The following ARPP21 variants were observed in gnomAD, a reference collection of about 807,000 sequenced individuals.
ARPP21 encodes cAMP-regulated phosphoprotein 21.
A neutral mutation model predicts 113.2 loss-of-function variants in ARPP21; 69 were observed. The observed-to-expected ratio is 0.61, with a 90% CI of 0.50 to 0.74. ARPP21 has a LOEUF of 0.74. ARPP21 is among the 30% of genes least tolerant of loss of function. The probability of loss-of-function intolerance (pLI) is 0.00; values close to 1 mark genes in which losing one functional copy is unlikely to be tolerated. For missense variants in ARPP21, 1,070 were observed against 1,037.4 expected (o/e 1.03, Z -0.43); for synonymous variants, 368 against 375.5 (o/e 0.98, Z 0.23).
chr3:35,767,686 C>T (rs2096032669), intron 19 of ARPP21, among the ~76,000 whole-genome samples: 1 of 152,162 alleles, frequency 6.6e-6, no homozygotes, highest in Non-Finnish European at 1.5e-5. Context: ...TATGTCCTAT[C>T]ATGAAATTTC....
chr3:35,771,473 C>T (rs1289600774), intron 19 of ARPP21, among the ~76,000 whole-genome samples: 4 of 151,948 alleles, frequency 2.6e-5, no homozygotes, highest in African/African-American at 7.2e-5. Flanking sequence ...GGACTACAGG[C>T]GCCCATCATC....
At chr3:35,708,709 G>T (rs1440399317) in intron 10 of ARPP21, among the ~76,000 whole-genome samples, 1 of 152,188 alleles carries the variant, frequency 6.6e-6, no homozygotes, top group African/African-American at 2.4e-5. Context: ...ACAGTGAGGT[G>T]CACTCGTTTT....
chr3:35,639,324 G>T (rs1412180842), upstream of ARPP21, among the ~76,000 whole-genome samples: 1 of 151,970 alleles, frequency 6.6e-6, no homozygotes, highest in East Asian at 2.0e-4. This position sits in a 1 kb window ranked among gnomAD's most constrained non-coding sequence, Gnocchi z 5.0. Flanking sequence ...ACTGGCAGGC[G>T]TCCGGCTGCC....
At chr3:35,684,744 C>A (rs1412289578) in intron 5 of ARPP21, 7 of 984,838 alleles carry the variant, frequency 7.1e-6, no homozygotes, top group Non-Finnish European at 8.4e-6. Context: ...GCATTGAGAG[C>A]ACTTTCTTTA....
chr3:35,731,522 G>A (rs1409443615), intron 15 of ARPP21, among the ~76,000 whole-genome samples: 1 of 152,114 alleles, frequency 6.6e-6, no homozygotes, highest in Non-Finnish European at 1.5e-5. Context: ...ATGAGATGCA[G>A]GGTGAATTAT....
chr3:35,763,732 A>G (rs1347056730), intron 19 of ARPP21, among the ~76,000 whole-genome samples: 2 of 152,200 alleles, frequency 1.3e-5, no homozygotes, highest in Non-Finnish European at 1.5e-5. Context: ...GGGTAGGGCC[A>G]TCCTACAGTA....
In ARPP21 at chr3:35,792,537, A is replaced by G. The variant is rs200085911; in HGVS notation, c.2286+7A>G. ...AACAATGTCTTCTTATCAGGTGCTC[A>G]TAAGCAGCTTGGAAAATTGTGGGTT... On this transcript the variant is annotated splice_region_variant and intron_variant, in intron 20 of 20. Coordinates refer to ENST00000684406, the MANE Select transcript of ARPP21 (RefSeq NM_001385562.1). 191 of 1,613,670 alleles carry G rather than the reference A, an allele frequency of 1.2e-4. No individual in the cohort carries two copies. Among genetic ancestry groups the G allele is most frequent in the Non-Finnish European group, 1.5e-4 (178 of 1,179,684 alleles).
chr3:35,641,220 G>T (rs1030339380), intron 1 of ARPP21, among the ~76,000 whole-genome samples: 1 of 151,570 alleles, frequency 6.6e-6, no homozygotes. Context: ...TTTGATGTTT[G>T]ATTTTCTACC....
intron 3 of ARPP21, chr3:35,682,581 C>A: frequency 2.7e-6 from 1 of 371,570 alleles, no homozygotes; most frequent in Non-Finnish European, 4.8e-6. Flanking sequence ...GGCCAAAAAA[C>A]TTCAAAGCTG....
intron 19 of ARPP21, among the ~76,000 whole-genome samples, chr3:35,746,725 A>G (rs2095078825): frequency 6.6e-6 from 1 of 152,184 alleles, no homozygotes; most frequent in African/African-American, 2.4e-5. Context: ...TGAGATTTTA[A>G]TCTGAATTTG....
At chr3:35,683,620 C>T (rs1164484748) in intron 4 of ARPP21, 106 bp from the exon 5 acceptor site, 1 of 679,740 alleles carries the variant, frequency 1.5e-6, no homozygotes, top group Non-Finnish European at 2.7e-6. Flanking sequence ...TTAAAAATCT[C>T]ATTTGGGGAA....
intron 9 of ARPP21, among the ~76,000 whole-genome samples, chr3:35,697,231 A>G (rs1199126085): frequency 1.3e-5 from 2 of 151,618 alleles, no homozygotes; most frequent in African/African-American, 2.4e-5. Context: ...CTGCTCTGAC[A>G]GTGCAGAGCA....
intron 19 of ARPP21, among the ~76,000 whole-genome samples, chr3:35,753,456 A>C (rs961281552): frequency 5.3e-5 from 8 of 152,054 alleles, no homozygotes; most frequent in African/African-American, 1.9e-4. Flanking sequence ...GAATACTTCC[A>C]TGAAAGCTCA....
At chr3:35,675,798 AGATGAT>A (rs58955088) in intron 1 of ARPP21, among the ~76,000 whole-genome samples, 16,776 of 149,282 alleles carry the variant, frequency 0.11, 972 homozygotes, top group Non-Finnish European at 0.13. Flanking sequence ...GCTAAGATGA[AGATGAT>A]GATGATGATG....
rs771129678 is a variant in ARPP21 at position 35,721,881 on chromosome 3, C to T, written c.1225+47C>T. The T allele has an allele frequency of 5.5e-6, 7 of 1,281,196 alleles. No individual in the cohort carries two copies. The East Asian group carries it at 1.5e-4, about 28-fold the overall frequency. 79.4% of individuals were successfully genotyped at this position (1,281,196 alleles called of 1,614,324 possible). ...TATGTCCTGTGGTATTTTTTGGATTCTACCCAAGCCATATGGTCACCATTC... is the reference window on the plus strand; with the variant it reads ...TATGTCCTGTGGTATTTTTTGGATTTTACCCAAGCCATATGGTCACCATTC... On this transcript the variant is annotated intron_variant, in intron 14 of 20. Coordinates refer to ENST00000684406, the MANE Select transcript of ARPP21 (RefSeq NM_001385562.1).
intron 19 of ARPP21, among the ~76,000 whole-genome samples, chr3:35,769,897 T>A (rs569873934): frequency 6.6e-6 from 1 of 152,260 alleles, no homozygotes; most frequent in Admixed American, 6.5e-5. Context: ...GGCTTGAAAA[T>A]GTACAAACAA....
chr3:35,704,030 A>G (rs2087613121), intron 9 of ARPP21, among the ~76,000 whole-genome samples: 1 of 151,860 alleles, frequency 6.6e-6, no homozygotes, highest in Non-Finnish European at 1.5e-5. Context: ...CTTTAGCACT[A>G]TAATCATAAA....
At chr3:35,728,687 G>A (rs1317880625) in intron 14 of ARPP21, among the ~76,000 whole-genome samples, 3 of 152,076 alleles carry the variant, frequency 2.0e-5, no homozygotes, top group Non-Finnish European at 4.4e-5. Context: ...GCTAAACCAT[G>A]CCACTCCTTA....
intron 1 of ARPP21, among the ~76,000 whole-genome samples, chr3:35,647,714 G>A (rs1000620284): frequency 1.3e-5 from 2 of 152,176 alleles, no homozygotes; most frequent in Admixed American, 6.5e-5. Context: ...TGAGTAAATA[G>A]TGTGACTATG....
Sources: gnomAD v4.1 joint callset for allele counts (sites outside exome capture counted in the v4.1 genomes callset) on GRCh38, gnomAD v4.1.1 for gene constraint, Gnocchi (gnomAD v3.1) non-coding constraint, MANE v1.5 for transcripts, NCBI Gene and HGNC (gene_info 2026-07-23, HGNC 2026-07-21) for gene names.